MRPS21: variants seen among roughly 807,000 people sequenced by gnomAD.
MRPS21 encodes the protein small ribosomal subunit protein bS21m.
In MRPS21, 8 loss-of-function variants were observed where a neutral mutation model predicts 9.9. The observed-to-expected ratio is 0.81, with a 90% CI of 0.47 to 1.45. The LOEUF (loss-of-function observed/expected upper bound fraction) is 1.45. Among genes scored for constraint, MRPS21 ranks in the 40% most tolerant of loss-of-function variants. MRPS21 has a pLI of 0.00. For missense variants in MRPS21, 101 were observed against 118.9 expected (o/e 0.85, Z 0.70); for synonymous variants, 40 against 40.3 (o/e 0.99, Z 0.03).
chr1:150,306,357 A>G (rs1434682099), intron 2 of MRPS21, among the ~76,000 whole-genome samples: 1 of 152,090 alleles, frequency 6.6e-6, no homozygotes, highest in Non-Finnish European at 1.5e-5. Context: ...GGCTCACTAC[A>G]GCCTCCACCC....
At chr1:150,294,599 C>G in intron 2 of MRPS21, 150 bp downstream of exon 2, 1 of 714,204 alleles carries the variant, frequency 1.4e-6, no homozygotes, top group Non-Finnish European at 2.4e-6. Flanking sequence ...AGTTTATTAT[C>G]TTAAAAATGA....
chr1:150,300,385 T>C (rs12120683), intron 2 of MRPS21, among the ~76,000 whole-genome samples: 12,843 of 152,168 alleles, frequency 0.084, 714 homozygotes, highest in Non-Finnish European at 0.12. Flanking sequence ...CAGAAACCTA[T>C]GCTTTTTCAT....
At chr1:150,297,905 C>T (rs187076960) in intron 2 of MRPS21, among the ~76,000 whole-genome samples, 5 of 151,136 alleles carry the variant, frequency 3.3e-5, no homozygotes, top group Non-Finnish European at 5.9e-5. Context: ...CTTTCTCTGG[C>T]CCTACTTTGC....
chr1:150,302,743 ATTC>A (rs1445160680), intron 2 of MRPS21, among the ~76,000 whole-genome samples: 4 of 152,088 alleles, frequency 2.6e-5, no homozygotes, highest in Non-Finnish European at 4.4e-5. Context: ...CACCCCCTCT[ATTC>A]TTGTGTTTTA....
intron 2 of MRPS21, among the ~76,000 whole-genome samples, chr1:150,301,575 G>A (rs1305839326): frequency 1.3e-5 from 2 of 152,104 alleles, no homozygotes; most frequent in Non-Finnish European, 2.9e-5. Context: ...GCGGGGCAGG[G>A]GGGAAATGAA....
chr1:150,302,056 C>G (rs1343323742), intron 2 of MRPS21, among the ~76,000 whole-genome samples: 3 of 152,162 alleles, frequency 2.0e-5, no homozygotes, highest in African/African-American at 4.8e-5. Flanking sequence ...TCCCAAATGT[C>G]CTCTCTCTAG....
intron 2 of MRPS21, among the ~76,000 whole-genome samples, chr1:150,307,656 A>C (rs1453996577): frequency 6.6e-6 from 1 of 151,972 alleles, no homozygotes; most frequent in Non-Finnish European, 1.5e-5. Flanking sequence ...AGCACACTGC[A>C]GCCTCAGTCT....
intron 1 of MRPS21, 79 bp from the exon 2 acceptor site, chr1:150,294,255 TA>T: frequency 1.0e-6 from 1 of 994,568 alleles, no homozygotes; most frequent in Non-Finnish European, 1.6e-6. Context: ...TTCCAAATCC[TA>T]AATAAGCCGC....
At chr1:150,299,254 C>A (rs1171195906) in intron 2 of MRPS21, among the ~76,000 whole-genome samples, 1 of 152,126 alleles carries the variant, frequency 6.6e-6, no homozygotes, top group Non-Finnish European at 1.5e-5. Flanking sequence ...CCTTCCTGAT[C>A]CTCTTCACTG....
At chr1:150,294,832 A>T (rs587635337) in intron 2 of MRPS21, among the ~76,000 whole-genome samples, 2 of 148,096 alleles carry the variant, frequency 1.4e-5, no homozygotes, top group African/African-American at 5.0e-5. Context: ...CGGGAGGCAG[A>T]GGTTGTAGTG....
intron 2 of MRPS21, chr1:150,305,007 C>G: frequency 2.5e-6 from 1 of 398,726 alleles, no homozygotes; most frequent in Non-Finnish European, 5.0e-6. Flanking sequence ...CCATTGCACT[C>G]CAGCCTGGGC....
chr1:150,305,635 G>T (rs1654301228), intron 2 of MRPS21, among the ~76,000 whole-genome samples: 1 of 151,958 alleles, frequency 6.6e-6, no homozygotes, highest in Non-Finnish European at 1.5e-5. Context: ...TCCATCTTTT[G>T]CCCAGCTGGA....
intron 2 of MRPS21, among the ~76,000 whole-genome samples, chr1:150,300,211 T>C (rs1654066192): frequency 6.6e-6 from 1 of 151,964 alleles, no homozygotes; most frequent in South Asian, 2.1e-4. Context: ...GGTATGATGG[T>C]GCATACCTGT....
At chr1:150,302,271 G>A (rs1312149922) in intron 2 of MRPS21, among the ~76,000 whole-genome samples, 1 of 152,126 alleles carries the variant, frequency 6.6e-6, no homozygotes, top group Non-Finnish European at 1.5e-5. Flanking sequence ...AATAGCCTAC[G>A]TGTCTGTCCA....
chr1:150,294,256 A>G (rs1653831661), intron 1 of MRPS21, 79 bp from the exon 2 acceptor site: 3 of 967,788 alleles, frequency 3.1e-6, no homozygotes, highest in South Asian at 1.4e-5. Flanking sequence ...TCCAAATCCT[A>G]AATAAGCCGC....
Position 150,308,194 on chromosome 1 carries a change from G to A in MRPS21, c.230G>A (p.Arg77Gln), listed in dbSNP as rs782076534. Residue 77 changes from arginine to glutamine, a missense_variant, in exon 3 of 3, where the codon CGA becomes CAA. Coordinates refer to ENST00000614145, the MANE Select transcript of MRPS21 (RefSeq NM_031901.6). ...GCTCGCAAGATCAACTTCTTGATGC[G>A]AAAGAATCGGGCAGATCCGTGGCAG... ...EMARKINFLM[R>Q]KNRADPWQGC 28 of 1,603,746 alleles carry A rather than the reference G, an allele frequency of 1.7e-5. No homozygotes were observed. In the Admixed American group the frequency reaches 2.8e-4, roughly 16 times the overall value.
intron 2 of MRPS21, among the ~76,000 whole-genome samples, chr1:150,295,066 G>C (rs587600088): frequency 6.0e-5 from 9 of 150,062 alleles, no homozygotes; most frequent in African/African-American, 2.2e-4. Context: ...CACGATCTCG[G>C]CTCACTGCAA....
chr1:150,294,991 T>C (rs934818583), intron 2 of MRPS21, among the ~76,000 whole-genome samples: 2 of 150,266 alleles, frequency 1.3e-5, no homozygotes, highest in South Asian at 4.2e-4. Context: ...TTAATTTTAA[T>C]TTTAATTTTT....
At chr1:150,306,989 C>CTTTGACTA (rs1553858616) in intron 2 of MRPS21, among the ~76,000 whole-genome samples, 5 of 151,888 alleles carry the variant, frequency 3.3e-5, no homozygotes, top group African/African-American at 7.3e-5. Flanking sequence ...GAGAACATAA[C>CTTTGACTA]TTTGACTATA....
Sources: allele counts gnomAD v4.1 joint callset (sites outside exome capture counted in the v4.1 genomes callset), GRCh38; gene constraint gnomAD v4.1.1; transcripts MANE v1.5; gene names NCBI Gene and HGNC (gene_info 2026-07-23, HGNC 2026-07-21).